The following SNX8 variants were observed in gnomAD, a reference collection of about 807,000 sequenced individuals.
The protein encoded by SNX8 is sorting nexin-8.
SNX8 carries 25 observed loss-of-function variants against 51.6 expected under a neutral mutation model. The observed-to-expected ratio is 0.48, with a 90% CI of 0.35 to 0.68. The LOEUF (loss-of-function observed/expected upper bound fraction) is 0.68, where lower values mean the gene tolerates loss of function less well. Ranked by LOEUF, SNX8 falls within the 30% of genes least tolerant of loss-of-function variation. The probability of loss-of-function intolerance (pLI) is 0.00; values close to 1 mark genes in which losing one functional copy is unlikely to be tolerated. For missense variants in SNX8, 695 were observed against 624.0 expected (o/e 1.11, Z -1.21); for synonymous variants, 324 against 277.0 (o/e 1.17, Z -1.68).
Position 2,269,608 on chromosome 7 carries a change from T to G in SNX8, c.572A>C (p.Gln191Pro). 6.2e-7 allele frequency: 1 copy of G among 1,601,234 alleles called. No individual in the cohort carries two copies. The highest frequency in any genetic ancestry group is 1.7e-5 in the Admixed American group (1 of 58,934). ...DVQNKLKESAQCVGDEFLNCK... is the reference protein window; with the variant it reads ...DVQNKLKESAPCVGDEFLNCK... ...GTTCAGGAATTCGTCCCCGACGCAC[T>G]GTGCTGACTCCTTTAACTTGTTCTG... The change falls in exon 5 of 11, where the codon CAG (glutamine) becomes CCG (proline). Residue 191 changes from glutamine (Q) to proline (P), a missense_variant. Physicochemically the swap from Gln to Pro is moderately conservative, Grantham distance 76. Transcript: ENST00000222990.
chr7:2,277,702 G>A (rs1795812673), intron 2 of SNX8, among the ~76,000 whole-genome samples: 1 of 152,084 alleles, frequency 6.6e-6, no homozygotes, highest in Admixed American at 6.6e-5. Flanking sequence ...AGCTACTTGG[G>A]AGGCTGAGGC....
intron 1 of SNX8, among the ~76,000 whole-genome samples, chr7:2,352,849 A>T (rs1042161113): frequency 1.3e-5 from 2 of 152,138 alleles, no homozygotes; most frequent in Non-Finnish European, 2.9e-5. Context: ...AAAAAAAAAA[A>T]AAATTGTCAT....
At chr7:2,304,330 G>A (rs1257088615) in intron 1 of SNX8, among the ~76,000 whole-genome samples, 1 of 151,512 alleles carries the variant, frequency 6.6e-6, no homozygotes, top group African/African-American at 2.4e-5. Flanking sequence ...AGATCACGAG[G>A]TCAGGAGATA....
intron 9 of SNX8, 126 bp downstream of exon 9, chr7:2,257,239 G>T: frequency 8.1e-7 from 1 of 1,240,176 alleles, no homozygotes. Context: ...TGCCTCCACT[G>T]CACCCCCAGC....
intron 1 of SNX8, among the ~76,000 whole-genome samples, chr7:2,285,939 T>A (rs998598964): frequency 2.6e-5 from 4 of 152,118 alleles, no homozygotes; most frequent in African/African-American, 9.7e-5. Context: ...CACCTCAACC[T>A]ATCAAAGTGC....
intron 1 of SNX8, among the ~76,000 whole-genome samples, chr7:2,353,733 CT>C (rs1779222445): frequency 6.6e-6 from 1 of 152,138 alleles, no homozygotes; most frequent in Non-Finnish European, 1.5e-5. Flanking sequence ...CCACCCCAGC[CT>C]CTGGGTACCA....
intron 10 of SNX8, among the ~76,000 whole-genome samples, chr7:2,255,853 G>C (rs1022371354): frequency 6.6e-6 from 1 of 152,208 alleles, no homozygotes; most frequent in Non-Finnish European, 1.5e-5. Flanking sequence ...AGGGGAGCGC[G>C]GCAGTGAGGC....
chr7:2,285,528 A>C (rs1401862708), intron 1 of SNX8, among the ~76,000 whole-genome samples: 1 of 152,214 alleles, frequency 6.6e-6, no homozygotes. Flanking sequence ...GTGGCCAGGG[A>C]ACAGCAGGAA....
chr7:2,278,339 A>T, intron 1 of SNX8, 34 bp from the exon 2 acceptor site: 1 of 1,346,950 alleles, frequency 7.4e-7, no homozygotes, highest in Non-Finnish European at 1.0e-6. Context: ...CAGTGAGAAT[A>T]GCTGCTCAAA....
chr7:2,257,300 C>T (rs192847519), intron 9 of SNX8, 65 bp downstream of exon 9: 23 of 1,543,524 alleles, frequency 1.5e-5, no homozygotes, highest in Non-Finnish European at 2.0e-5. Flanking sequence ...AGGACGGCTC[C>T]GGGTCCCACC....
upstream of SNX8, chr7:2,314,564 G>T: frequency 2.4e-6 from 2 of 837,132 alleles, no homozygotes; most frequent in Non-Finnish European, 2.9e-6. Context: ...CTGCGGGCCC[G>T]CCGCGCTCCT....
chr7:2,346,460 T>C (rs1201824644), intron 1 of SNX8, among the ~76,000 whole-genome samples: 2 of 138,244 alleles, frequency 1.4e-5, no homozygotes, highest in East Asian at 2.2e-4. Flanking sequence ...AAAAAAAAGG[T>C]GAGGCAGCCA....
intron 1 of SNX8, among the ~76,000 whole-genome samples, chr7:2,341,585 T>C (rs971549605): frequency 6.6e-6 from 1 of 151,974 alleles, no homozygotes; most frequent in South Asian, 2.1e-4. Context: ...GATGGGAGGA[T>C]TGCTGGAGCC....
Position 2,284,637 on chromosome 7 carries a change from C to G in SNX8, c.95-6332G>C, listed in dbSNP as rs370909413. The stretch of plus-strand genomic sequence containing the variant: ...GCCAGGCTGGTCTCGATCTCCTGAC[C>G]TTGTGATCCGCCCACCTCAGCCTCC... On this transcript the variant is annotated intron_variant, in intron 1 of 10. Coordinates refer to ENST00000222990, the MANE Select transcript of SNX8 (RefSeq NM_013321.4). 4.0e-3 allele frequency among the ~76,000 whole-genome samples: 610 copies of G among 151,716 alleles called. 2 individuals are homozygous for G. The highest frequency in any genetic ancestry group is 0.014 in the African/African-American group (592 of 41,436).
Position 2,256,985 on chromosome 7 carries a change from G to A in SNX8, c.1173C>T (p.Tyr391=). The change falls in exon 10 of 11, where the codon TAC becomes TAT. Residue 391 remains tyrosine, a synonymous_variant. Transcript: ENST00000222990. The part of the protein sequence containing the change: ...NAIQTMELRN[Y]FSLYCLHQET... ...CCTGGTGCAGGCAGTACAGGGAGAA[G>A]TAGTTCCGCAGCTCCATCGTCTGAA... 5 of 1,612,692 alleles carry A rather than the reference G, an allele frequency of 3.1e-6. No homozygotes were observed. The highest frequency in any genetic ancestry group is 4.2e-6 in the Non-Finnish European group (5 of 1,179,302).
intron 1 of SNX8, among the ~76,000 whole-genome samples, chr7:2,298,823 C>G (rs1403910086): frequency 6.6e-6 from 1 of 151,894 alleles, no homozygotes; most frequent in Non-Finnish European, 1.5e-5. Context: ...TCCCGAGCAG[C>G]TGGGATTACA....
intron 10 of SNX8, among the ~76,000 whole-genome samples, chr7:2,256,228 C>T (rs1042915468): frequency 1.3e-5 from 2 of 152,240 alleles, no homozygotes; most frequent in Admixed American, 1.3e-4. Flanking sequence ...TGCTGGACGG[C>T]ACCCACGGCA....
Position 2,269,653 on chromosome 7 carries a change from A to G in SNX8, c.541-14T>C. ...GTTCTGCACATCCTGCAAAAGGAAA[A>G]CACACAGCTTCACCCTCTTCTACTA... is the stretch of plus-strand genomic sequence containing the variant. On this transcript the variant is annotated splice_polypyrimidine_tract_variant and intron_variant, in intron 4 of 10. Transcript: ENST00000222990. The G allele has an allele frequency of 6.3e-7, 1 of 1,576,508 alleles. No individual in the cohort carries two copies. The highest frequency in any genetic ancestry group is 8.6e-7 in the Non-Finnish European group (1 of 1,159,038).
At position 2,256,926 on chromosome 7, in the gene SNX8, G is replaced by A. The variant is rs999871566; in HGVS notation, c.1232C>T (p.Thr411Ile). The change falls in exon 10 of 11, where the codon ACC (threonine) becomes ATC (isoleucine). Residue 411 changes from threonine (T) to isoleucine (I), a missense_variant. Thr to Ile is a moderately conservative substitution (Grantham distance 89, BLOSUM62 -1). Transcript: ENST00000222990. ...TQLIHVYLPL[T>I]SHILRAFVNS... is the part of the protein sequence containing the mutation. ...GACGAAGGCGCGGAGGATGTGGGAG[G>A]TGAGGGGCAGGTAGACGTGGATGAG... 3 of 1,613,754 alleles carry A rather than the reference G, an allele frequency of 1.9e-6. No individual in the cohort carries two copies. Among genetic ancestry groups the A allele is most frequent in the Middle Eastern group, 1.7e-4 (1 of 6,034 alleles).
Sources: allele counts gnomAD v4.1 joint callset (sites outside exome capture counted in the v4.1 genomes callset), GRCh38; gene constraint gnomAD v4.1.1; transcripts MANE v1.5; gene names NCBI Gene and HGNC (gene_info 2026-07-23, HGNC 2026-07-21).